The following JAK1 variants were observed in gnomAD, a reference collection of about 807,000 sequenced individuals.
JAK1 encodes the protein Janus kinase 1, also known as tyrosine-protein kinase JAK1.
In JAK1, 16 loss-of-function variants were observed where a neutral mutation model predicts 136.6. The ratio of observed to expected loss-of-function variants is 0.12; its 90% confidence interval spans 0.08 to 0.18. The LOEUF is 0.18. Ranked by LOEUF, JAK1 falls within the 10% of genes least tolerant of loss-of-function variation. JAK1 has a pLI of 1.00. For synonymous variants in JAK1, 492 were observed against 519.5 expected (o/e 0.95, Z 0.72); for missense variants, 859 against 1,450.1 (o/e 0.59, Z 6.62).
intron 1 of JAK1, among the ~76,000 whole-genome samples, chr1:64,913,641 G>GA (rs1645325337): frequency 3.5e-5 from 2 of 56,884 alleles, no homozygotes; most frequent in African/African-American, 1.5e-4. Context: ...GGGAGGAAGG[G>GA]AGGAAGGAAG....
intron 1 of JAK1, among the ~76,000 whole-genome samples, chr1:64,950,697 T>A (rs773764153): frequency 1.1e-4 from 16 of 152,160 alleles, no homozygotes; most frequent in Non-Finnish European, 1.8e-4. Context: ...CAATCCTAAT[T>A]TCTCTTAAAT....
At chr1:65,058,656 C>A in intron 1 of JAK1, 2 of 402,898 alleles carry the variant, frequency 5.0e-6, no homozygotes, top group South Asian at 3.7e-5. Context: ...CAGAGCCCAG[C>A]AAGTGGTGAG....
At chr1:64,854,485 GC>G (rs1655797637) in intron 11 of JAK1, among the ~76,000 whole-genome samples, 1 of 152,100 alleles carries the variant, frequency 6.6e-6, no homozygotes. Flanking sequence ...TGGCACTCAA[GC>G]CCCTCTTTGA....
chr1:64,900,018 C>G (rs866683954), intron 1 of JAK1, among the ~76,000 whole-genome samples: 1 of 152,152 alleles, frequency 6.6e-6, no homozygotes, highest in Admixed American at 6.5e-5. Context: ...TCATTTTGCA[C>G]ACTTTTAGAG....
At chr1:64,932,985 C>T (rs1009067928) in intron 1 of JAK1, among the ~76,000 whole-genome samples, 1 of 152,080 alleles carries the variant, frequency 6.6e-6, no homozygotes, top group African/African-American at 2.4e-5. Flanking sequence ...AAGAATTATA[C>T]TTTTAAAACA....
chr1:64,855,513 G>C lies in JAK1; in HGVS notation c.1644C>G (p.Pro548=), dbSNP rs1448766432. The change falls in exon 11 of 25, where the codon CCC becomes CCG. Residue 548 remains proline (P), a synonymous_variant. Coordinates refer to ENST00000342505, the MANE Select transcript of JAK1 (RefSeq NM_002227.4). ...CTCTGGCACAGGGAGACGAACCTCG[G>C]GGCTTGGGCTGGCAGCAGCGTTTTA... is the stretch of plus-strand genomic sequence containing the variant. The part of the protein sequence containing the change: ...FMLKRCCQPK[P]REISNLLVAT... 2 of 1,613,846 alleles carry C rather than the reference G, an allele frequency of 1.2e-6. No homozygotes were observed. Among genetic ancestry groups the C allele is most frequent in the Non-Finnish European group, 1.7e-6 (2 of 1,179,806 alleles).
chr1:64,997,654 G>A (rs1448480601), intron 2 of JAK1, among the ~76,000 whole-genome samples: 1 of 152,220 alleles, frequency 6.6e-6, no homozygotes, highest in African/African-American at 2.4e-5. Context: ...CATAAACAAG[G>A]ACAACGGCAT....
At chr1:64,968,915 G>A (rs1557735252), upstream of JAK1, among the ~76,000 whole-genome samples, 1 of 126,562 alleles carries the variant, frequency 7.9e-6, no homozygotes, top group Non-Finnish European at 1.6e-5. Flanking sequence ...CTGGGCGACA[G>A]AGCGAGACTC....
At chr1:65,013,352 T>G (rs1361236790) in intron 2 of JAK1, among the ~76,000 whole-genome samples, 1 of 149,782 alleles carries the variant, frequency 6.7e-6, no homozygotes, top group Non-Finnish European at 1.5e-5. Context: ...GCCAAGATCA[T>G]GCCACTGCAC....
chr1:64,928,257 A>G (rs1557698902), intron 1 of JAK1, among the ~76,000 whole-genome samples: 1 of 152,188 alleles, frequency 6.6e-6, no homozygotes, highest in South Asian at 2.1e-4. Context: ...AGTCTATCAT[A>G]TTGGCCTCTA....
At chr1:64,913,707 G>GGAAGGAAA (rs1377141591) in intron 1 of JAK1, among the ~76,000 whole-genome samples, 1 of 74,932 alleles carries the variant, frequency 1.3e-5, no homozygotes, top group Non-Finnish European at 2.6e-5. Context: ...AAGGAAAGAA[G>GGAAGGAAA]GGAGGGAGGG....
At chr1:65,053,643 G>T (rs1647394321) in intron 1 of JAK1, among the ~76,000 whole-genome samples, 1 of 152,180 alleles carries the variant, frequency 6.6e-6, no homozygotes. Flanking sequence ...TTGAGCCCAG[G>T]AGTTCAAGAT....
At chr1:64,948,837 G>A (rs563995170) in intron 1 of JAK1, among the ~76,000 whole-genome samples, 42 of 152,302 alleles carry the variant, frequency 2.8e-4, no homozygotes, top group African/African-American at 9.9e-4. Context: ...AGTAAATCTT[G>A]AAATGTGGCA....
chr1:64,872,698 C>A (rs1657143118), intron 5 of JAK1, among the ~76,000 whole-genome samples: 1 of 152,086 alleles, frequency 6.6e-6, no homozygotes, highest in African/African-American at 2.4e-5. Flanking sequence ...GTTACAAAGT[C>A]ATTAAAACAA....
Position 64,913,705 on chromosome 1 carries a change from AAGGGAGGGAGGG to A in JAK1, c.-77-27376_-77-27365del, listed in dbSNP as rs369849593. Among the ~76,000 whole-genome samples, 100 of 35,722 alleles carry A rather than the reference AAGGGAGGGAGGG, an allele frequency of 2.8e-3. 3 individuals are homozygous for A. The highest frequency in any genetic ancestry group is 0.012 in the African/African-American group (93 of 7,660). 23.4% of individuals were successfully genotyped at this position (35,722 alleles called of 152,430 possible). A position where few individuals can be genotyped will look rare whatever the true frequency, so the allele number is the denominator to read the frequency against. On this transcript the variant is annotated intron_variant, in intron 1 of 24. Coordinates refer to ENST00000342505, the MANE Select transcript of JAK1 (RefSeq NM_002227.4). Reference sequence around the variant, plus strand: ...GAAGGAAGGAAGGAAGGAAGGAAAGAAGGGAGGGAGGGAGGGAGGGAGGGAGGGAGGAATTGA... The same window carrying A: ...GAAGGAAGGAAGGAAGGAAGGAAAGAAGGGAGGGAGGGAGGGAGGAATTGA...
chr1:64,870,258 A>C (rs1656994663), intron 5 of JAK1, among the ~76,000 whole-genome samples: 1 of 152,154 alleles, frequency 6.6e-6, no homozygotes, highest in South Asian at 2.1e-4. Context: ...TCTCCAACAG[A>C]TGAGGAATCT....
At position 64,997,661 on chromosome 1, in the gene JAK1, G is replaced by A. The variant is rs139561552; in HGVS notation, c.-78+46819C>T. On this transcript the variant is annotated intron_variant, in intron 2 of 25. Coordinates refer to the JAK1 transcript ENST00000671954. ...GTGACTGACATAAACAAGGACAACG[G>A]CATAATGGGTTTATAATGGTTGCAG... Among the ~76,000 whole-genome samples, 1,238 of 152,312 alleles carry A rather than the reference G, an allele frequency of 8.1e-3. 16 individuals carry two copies. The highest frequency in any genetic ancestry group is 0.029 in the African/African-American group (1,185 of 41,574).
chr1:64,852,181 T>C (rs2101036054), intron 11 of JAK1, among the ~76,000 whole-genome samples: 1 of 152,402 alleles, frequency 6.6e-6, no homozygotes, highest in East Asian at 1.9e-4. Flanking sequence ...TTAACTCCTT[T>C]GTCCTTATGA....
chr1:64,914,004 G>A (rs936124495), intron 1 of JAK1, among the ~76,000 whole-genome samples: 2 of 152,200 alleles, frequency 1.3e-5, no homozygotes, highest in African/African-American at 4.8e-5. Context: ...GGCTACAGCA[G>A]TGGACAGAGG....
Sources: allele counts gnomAD v4.1 joint callset (sites outside exome capture counted in the v4.1 genomes callset), GRCh38; gene constraint gnomAD v4.1.1; transcripts MANE v1.5; gene names NCBI Gene and HGNC (gene_info 2026-07-23, HGNC 2026-07-21).